The following PDE1A variants were observed in gnomAD, a reference collection of about 807,000 sequenced individuals.
PDE1A encodes phosphodiesterase 1A.
A neutral mutation model predicts 61.7 loss-of-function variants in PDE1A; 35 were observed. The ratio of observed to expected loss-of-function variants is 0.57; its 90% CI spans 0.43 to 0.75. PDE1A has a LOEUF of 0.75. PDE1A is among the 30% of genes least tolerant of loss of function. The pLI is 0.00. For missense variants in PDE1A, 597 were observed against 630.6 expected, an observed-to-expected ratio of 0.95 and a Z score of 0.57; for synonymous variants, 232 against 213.2, an observed-to-expected ratio of 1.09 and a Z score of -0.77.
At position 182,384,594 on chromosome 2, in the gene PDE1A, A is replaced by T. The variant is rs574217442; in HGVS notation, c.53+41984T>A. Among the ~76,000 whole-genome samples, 4 of 151,984 alleles carry T rather than the reference A, an allele frequency of 2.6e-5. No homozygotes were observed. In the South Asian group the frequency reaches 8.3e-4, roughly 32 times the overall value. On this transcript the variant is annotated intron_variant, in intron 1 of 13. Transcript: ENST00000351439. The stretch of plus-strand genomic sequence containing the variant: ...AGATACAAATAACTTGAACTCCAAG[A>T]CAGGTTATTTGAAAATATGTAGTCA...
chr2:182,404,824 T>C (rs1187160813), intron 1 of PDE1A, among the ~76,000 whole-genome samples: 1 of 152,186 alleles, frequency 6.6e-6, no homozygotes, highest in Non-Finnish European at 1.5e-5. Context: ...ATGCATTCTT[T>C]TGAAATACCT....
chr2:182,351,156 A>G (rs1392511887), intron 1 of PDE1A, among the ~76,000 whole-genome samples: 5 of 152,206 alleles, frequency 3.3e-5, no homozygotes, highest in Admixed American at 3.3e-4. Context: ...TCTAGAAATA[A>G]TTTAATTAAA....
chr2:182,189,772 G>A (rs1248420165), intron 10 of PDE1A, among the ~76,000 whole-genome samples: 1 of 152,190 alleles, frequency 6.6e-6, no homozygotes, highest in Non-Finnish European at 1.5e-5. Flanking sequence ...AAAGGTTGCT[G>A]TTCTGGTCAA....
At chr2:182,653,387 C>T in the PDE1A span, among the ~76,000 whole-genome samples, 5 of 152,076 alleles carry the variant, frequency 3.3e-5, no homozygotes, top group Admixed American at 2.0e-4. Flanking sequence ...TAAATCACTC[C>T]ATAATTTTAA....
At chr2:182,584,555 G>C in the PDE1A span, among the ~76,000 whole-genome samples, 1 of 152,364 alleles carries the variant, frequency 6.6e-6, no homozygotes, top group East Asian at 1.9e-4. Context: ...ATGTGTGTAA[G>C]TGAGACAGAC....
chr2:182,646,837 CTT>C, the PDE1A span, among the ~76,000 whole-genome samples: 1 of 152,134 alleles, frequency 6.6e-6, no homozygotes, highest in Non-Finnish European at 1.5e-5. Flanking sequence ...ATAGGAGACT[CTT>C]TTGAAAACAT....
chr2:182,165,779 T>C (rs1318170484), downstream of PDE1A, among the ~76,000 whole-genome samples: 1 of 152,214 alleles, frequency 6.6e-6, no homozygotes, highest in African/African-American at 2.4e-5. Flanking sequence ...GTAATTTTTA[T>C]AAGTATTTCC....
downstream of PDE1A, among the ~76,000 whole-genome samples, chr2:182,166,098 G>A (rs1384897273): frequency 6.6e-6 from 1 of 152,106 alleles, no homozygotes; most frequent in Non-Finnish European, 1.5e-5. Flanking sequence ...TTAAAGAGGT[G>A]CATAATGGGT....
Position 182,364,490 on chromosome 2 carries a change from A to AAAAAAAAAAAC in PDE1A, c.53+62087_53+62088insGTTTTTTTTTT, listed in dbSNP as rs1559379251. Among the ~76,000 whole-genome samples the AAAAAAAAAAAC allele has an allele frequency of 1.0e-4, 15 of 144,082 alleles. 1 individual carries two copies. The East Asian group carries it at 3.2e-3, about 31-fold the overall frequency. The allele number at this position is 144,082 out of a possible 152,430, so 94.5% of individuals were successfully genotyped here. A position where few individuals can be genotyped will look rare whatever the true frequency, so the allele number is the denominator to read the frequency against. On this transcript the variant is annotated intron_variant, in intron 1 of 13. Coordinates refer to ENST00000351439, the Ensembl canonical transcript of PDE1A. ...GTAAAAAAAAAAAAAAAAAAAAAAAAAAAAAAAAACCTTATTCTGAATTAT... is the reference window on the plus strand; with the variant it reads ...GTAAAAAAAAAAAAAAAAAAAAAAAAAAAAAAAAAACAAAAAAAAACCTTATTCTGAATTAT...
At chr2:182,573,961 A>G in the PDE1A span, among the ~76,000 whole-genome samples, 2 of 102,758 alleles carry the variant, frequency 1.9e-5, no homozygotes, top group Admixed American at 1.1e-4. Flanking sequence ...ATATATTTAT[A>G]TATTTTTTTA....
intron 13 of PDE1A, among the ~76,000 whole-genome samples, chr2:182,150,512 C>G (rs1353816910): frequency 2.6e-5 from 4 of 152,120 alleles, no homozygotes; most frequent in African/African-American, 9.6e-5. Flanking sequence ...GTGGTCTGTT[C>G]AAAGAAATTG....
intron 13 of PDE1A, among the ~76,000 whole-genome samples, chr2:182,161,698 G>A (rs1245052372): frequency 2.6e-5 from 4 of 152,020 alleles, no homozygotes; most frequent in African/African-American, 4.8e-5. Context: ...AAGGAGGTGC[G>A]CTATACTCCA....
In PDE1A at chr2:182,280,539, A is replaced by T. The variant is rs60833287; in HGVS notation, c.54-16125T>A. On this transcript the variant is annotated intron_variant, in intron 1 of 13. Coordinates refer to ENST00000351439, the Ensembl canonical transcript of PDE1A. ...CCCACTTGATTGATAGTCTGACAGAATATTCTAGATTGAAAAGAATTTTCT... is the reference window on the plus strand; with the variant it reads ...CCCACTTGATTGATAGTCTGACAGATTATTCTAGATTGAAAAGAATTTTCT... 6.8e-3 allele frequency among the ~76,000 whole-genome samples: 1,030 copies of T among 152,046 alleles called. 7 individuals carry two copies. Among genetic ancestry groups the T allele is most frequent in the African/African-American group, 0.023 (946 of 41,510 alleles).
chr2:182,357,541 T>C (rs961231567), intron 1 of PDE1A, among the ~76,000 whole-genome samples: 1 of 152,208 alleles, frequency 6.6e-6, no homozygotes, highest in African/African-American at 2.4e-5. Flanking sequence ...TTGGTTATTT[T>C]ACTGCCAACA....
chr2:182,169,541 G>C (rs1289727477), intron 13 of PDE1A, among the ~76,000 whole-genome samples: 1 of 152,028 alleles, frequency 6.6e-6, no homozygotes, highest in Non-Finnish European at 1.5e-5. Context: ...TAGGGTTCCT[G>C]TTAAACAAAT....
chr2:182,213,115 C>A lies in PDE1A; in HGVS notation c.777-7050G>T, dbSNP rs998860892. On this transcript the variant is annotated intron_variant, in intron 7 of 13. Coordinates refer to ENST00000351439, the Ensembl canonical transcript of PDE1A. ...CTCAAGTGGGTCCCTGACCCCTGACCCCCGAGCAGCCTAACTGGGAGGCAC... is the reference window on the plus strand; with the variant it reads ...CTCAAGTGGGTCCCTGACCCCTGACACCCGAGCAGCCTAACTGGGAGGCAC... Among the ~76,000 whole-genome samples, 10 of 150,552 alleles carry A rather than the reference C, an allele frequency of 6.6e-5. 1 individual carries two copies. The East Asian group carries it at 2.0e-3, about 30-fold the overall frequency.
At chr2:182,535,126 C>G in the PDE1A span, among the ~76,000 whole-genome samples, 1 of 152,010 alleles carries the variant, frequency 6.6e-6, no homozygotes, top group African/African-American at 2.4e-5. Context: ...TCTACTATTT[C>G]ATTGCCCCAT....
chr2:182,516,822 G>A (rs1050420254), intron 2 of PDE1A, among the ~76,000 whole-genome samples: 1 of 72,720 alleles, frequency 1.4e-5, no homozygotes, highest in South Asian at 6.8e-4. Context: ...GAAAGGAAGG[G>A]AAGGAAGGAA....
At chr2:182,657,715 T>A in the PDE1A span, among the ~76,000 whole-genome samples, 4 of 152,068 alleles carry the variant, frequency 2.6e-5, no homozygotes, top group African/African-American at 9.7e-5. Context: ...TGAAAAATAG[T>A]GAAATTTTAG....
Sources: gnomAD v4.1 joint callset for allele counts (sites outside exome capture counted in the v4.1 genomes callset) on GRCh38, gnomAD v4.1.1 for gene constraint, MANE v1.5 for transcripts, NCBI Gene and HGNC (gene_info 2026-07-23, HGNC 2026-07-21) for gene names.